SCARA5: variants seen among roughly 807,000 people sequenced by gnomAD.
SCARA5 encodes scavenger receptor class A member 5, also known as scavenger receptor class A, member 5 (putative).
A neutral mutation model predicts 46.3 loss-of-function variants in SCARA5; 45 were observed. That is an observed-to-expected ratio of 0.97 (90% CI 0.76 to 1.24). SCARA5 has a LOEUF of 1.24. Among genes scored for constraint, SCARA5 ranks in the 50% most tolerant of loss-of-function variants. The pLI is 0.00. For synonymous variants in SCARA5, 333 were observed against 306.5 expected (o/e 1.09, Z -0.90); for missense variants, 680 against 689.0 (o/e 0.99, Z 0.15).
intron 8 of SCARA5, among the ~76,000 whole-genome samples, chr8:27,872,423 T>C (rs967297912): frequency 6.6e-6 from 1 of 152,222 alleles, no homozygotes; most frequent in Admixed American, 6.5e-5. Flanking sequence ...TTACAAAGAA[T>C]GTCAAGGGAA....
intron 4 of SCARA5, among the ~76,000 whole-genome samples, chr8:27,917,761 T>C (rs1267900398): frequency 6.6e-6 from 1 of 152,248 alleles, no homozygotes; most frequent in African/African-American, 2.4e-5. Context: ...CATAATTCAC[T>C]GTAATTGTTA....
At chr8:27,890,750 G>A (rs1352997121) in intron 7 of SCARA5, among the ~76,000 whole-genome samples, 1 of 152,264 alleles carries the variant, frequency 6.6e-6, no homozygotes, top group Non-Finnish European at 1.5e-5. Context: ...GTGACTTGGG[G>A]CCTGACCCTG....
At position 27,872,073 on chromosome 8, in the gene SCARA5, G is replaced by A. The variant is rs1305974384; in HGVS notation, c.1352-3C>T. The stretch of plus-strand genomic sequence containing the variant: ...ATCCATCCAGATCCTCCCAGTGCCT[G>A]TGGAGACAGGGAAACACAGCTATAA... On this transcript the variant is annotated splice_region_variant and splice_polypyrimidine_tract_variant and intron_variant, in intron 8 of 8. Coordinates refer to ENST00000354914, the MANE Select transcript of SCARA5 (RefSeq NM_173833.6). The A allele has an allele frequency of 3.1e-6, 5 of 1,614,066 alleles. No homozygotes were observed. Among genetic ancestry groups the A allele is most frequent in the Non-Finnish European group, 3.4e-6 (4 of 1,180,008 alleles).
intron 3 of SCARA5, among the ~76,000 whole-genome samples, chr8:27,961,394 C>T (rs1232468347): frequency 6.6e-6 from 1 of 152,176 alleles, no homozygotes; most frequent in East Asian, 1.9e-4. Flanking sequence ...TGTCTTCTGC[C>T]ATGACTGGAA....
At chr8:27,914,320 G>C (rs773100356) in intron 4 of SCARA5, among the ~76,000 whole-genome samples, 1 of 152,172 alleles carries the variant, frequency 6.6e-6, no homozygotes, top group African/African-American at 2.4e-5. Context: ...GAGAACAGAC[G>C]AATACACCCA....
At chr8:27,922,318 G>A in intron 3 of SCARA5, 73 bp from the exon 4 acceptor site, 1 of 1,099,558 alleles carries the variant, frequency 9.1e-7, no homozygotes, top group Non-Finnish European at 1.3e-6. Context: ...GGCGAACCCA[G>A]TCAGAGCCTG....
chr8:27,948,383 C>A (rs986088655), intron 3 of SCARA5, among the ~76,000 whole-genome samples: 1 of 152,238 alleles, frequency 6.6e-6, no homozygotes, highest in African/African-American at 2.4e-5. Flanking sequence ...CCCAGCTCAG[C>A]TTTCACAACT....
chr8:27,959,465 G>A (rs907222910), intron 3 of SCARA5, among the ~76,000 whole-genome samples: 1 of 152,148 alleles, frequency 6.6e-6, no homozygotes, highest in Non-Finnish European at 1.5e-5. Flanking sequence ...GGCAGTGGGA[G>A]GACAGCTGTG....
intron 3 of SCARA5, among the ~76,000 whole-genome samples, chr8:27,964,587 C>T (rs1298180711): frequency 2.0e-5 from 3 of 152,110 alleles, no homozygotes; most frequent in Admixed American, 2.0e-4. Context: ...GCAAACTGTC[C>T]TTTATTTTGA....
At chr8:27,909,616 T>C (rs369414155) in intron 5 of SCARA5, 47 bp downstream of exon 5, 5 of 1,320,284 alleles carry the variant, frequency 3.8e-6, no homozygotes, top group Non-Finnish European at 2.1e-6. Flanking sequence ...CGGGTAGAGA[T>C]GGATTGGGGA....
chr8:27,895,414 C>A (rs955858099), intron 7 of SCARA5, among the ~76,000 whole-genome samples: 2 of 152,230 alleles, frequency 1.3e-5, no homozygotes, highest in African/African-American at 4.8e-5. Context: ...ATCAGGCTGT[C>A]CTGGAGGGCA....
chr8:27,950,789 C>G (rs1159940071), intron 3 of SCARA5, among the ~76,000 whole-genome samples: 3 of 150,890 alleles, frequency 2.0e-5, no homozygotes, highest in African/African-American at 7.3e-5. Context: ...TTTCCTTGAG[C>G]GTATATTAAC....
Position 27,870,234 on chromosome 8 carries a change from T to C in SCARA5, c.*1700A>G, listed in dbSNP as rs1397853932. On this transcript the variant is annotated 3_prime_UTR_variant, in exon 9 of 9. Transcript: ENST00000354914. Reference sequence around the variant, plus strand: ...CTTTAGTTTTTTTTTTTTTTTTTTTTTAACTTAAATGCAAACCTTGCAATG... The same window carrying C: ...CTTTAGTTTTTTTTTTTTTTTTTTTCTAACTTAAATGCAAACCTTGCAATG... The C allele has an allele frequency of 6.6e-6, 1 of 150,470 alleles. No individual in the cohort carries two copies. Among genetic ancestry groups the C allele is most frequent in the African/African-American group, 2.5e-5 (1 of 40,518 alleles). The allele number at this position is 150,470 out of a possible 1,614,324, so 9.3% of individuals were successfully genotyped here.
intron 6 of SCARA5, 124 bp from the exon 7 acceptor site, chr8:27,904,958 C>T: frequency 8.5e-6 from 7 of 826,172 alleles, no homozygotes; most frequent in South Asian, 3.2e-5. Context: ...CCAGCAGCAA[C>T]TGGAGAGCCC....
chr8:27,933,351 G>A (rs574515374), intron 3 of SCARA5, among the ~76,000 whole-genome samples: 162 of 151,970 alleles, frequency 1.1e-3, no homozygotes, highest in Non-Finnish European at 1.9e-3. Flanking sequence ...GTGAAGCCCC[G>A]CCTCTACAAA....
intron 3 of SCARA5, among the ~76,000 whole-genome samples, chr8:27,926,435 C>G (rs1046742747): frequency 1.3e-5 from 2 of 150,594 alleles, no homozygotes; most frequent in East Asian, 3.9e-4. Flanking sequence ...CATCACACAC[C>G]GGGGCCTGTC....
intron 3 of SCARA5, among the ~76,000 whole-genome samples, chr8:27,925,721 A>C (rs1451045989): frequency 1.3e-5 from 2 of 152,224 alleles, no homozygotes; most frequent in African/African-American, 4.8e-5. Flanking sequence ...TAATATCCAG[A>C]ATCTACAAAG....
intron 4 of SCARA5, among the ~76,000 whole-genome samples, chr8:27,911,868 C>G (rs775874956): frequency 6.6e-6 from 1 of 152,088 alleles, no homozygotes; most frequent in Non-Finnish European, 1.5e-5. Context: ...TAGGGCAGGC[C>G]TCAGTGCAAT....
intron 3 of SCARA5, among the ~76,000 whole-genome samples, chr8:27,963,562 C>T (rs1459382334): frequency 6.6e-6 from 1 of 152,118 alleles, no homozygotes; most frequent in East Asian, 1.9e-4. Context: ...CAGGAGGACA[C>T]TGGTCAGGTT....
Sources: gnomAD v4.1 joint callset for allele counts (sites outside exome capture counted in the v4.1 genomes callset) on GRCh38, gnomAD v4.1.1 for gene constraint, MANE v1.5 for transcripts, NCBI Gene and HGNC (gene_info 2026-07-23, HGNC 2026-07-21) for gene names.